The following SDK1 variants were observed in gnomAD, a reference collection of about 807,000 sequenced individuals.
SDK1 encodes the protein sidekick cell adhesion molecule 1.
SDK1 carries 157 observed loss-of-function variants against 245.5 expected under a neutral mutation model. The observed-to-expected ratio is 0.64, with a 90% CI of 0.56 to 0.73. SDK1 has a LOEUF of 0.73. SDK1 is among the 30% of genes least tolerant of loss of function. The pLI, the probability that SDK1 is intolerant of heterozygous loss-of-function variation, is 0.00. For synonymous variants in SDK1, 1,647 were observed against 1,278.5 expected (o/e 1.29, Z -6.15); for missense variants, 3,583 against 3,002.3 (o/e 1.19, Z -4.52).
rs1315030000 is a variant in SDK1, at chr7:3,301,874, G to C, written c.288G>C (p.Ala96=). ...CGCTGCAGCTGCACTTGCTCCGGGC[G>C]CTGGCGCAAGGTAGGTGCGCGCGGG... ...LLALQLHLLR[A]LAQDDVAPYF... is the part of the protein sequence containing the mutation. The change falls in exon 1 of 45, where the codon GCG becomes GCC. Residue 96 remains alanine, a synonymous_variant. Transcript: ENST00000404826. The C allele has an allele frequency of 1.8e-6, 2 of 1,136,248 alleles. No homozygotes were observed. Among genetic ancestry groups the C allele is most frequent in the East Asian group, 4.3e-5 (1 of 23,108 alleles). The allele number at this position is 1,136,248 out of a possible 1,614,324, so 70.4% of individuals were successfully genotyped here.
At chr7:3,361,611 CAGTA>C (rs906316419) in intron 1 of SDK1, among the ~76,000 whole-genome samples, 2 of 152,172 alleles carry the variant, frequency 1.3e-5, no homozygotes, top group Admixed American at 6.5e-5. Flanking sequence ...TTCTAAATCT[CAGTA>C]AGCAATTTGA....
chr7:3,560,868 G>A (rs1490233904), intron 1 of SDK1, among the ~76,000 whole-genome samples: 1 of 152,092 alleles, frequency 6.6e-6, no homozygotes, highest in East Asian at 1.9e-4. Flanking sequence ...TGCTCTTCCC[G>A]AAGGTGTCCA....
intron 25 of SDK1, among the ~76,000 whole-genome samples, chr7:4,124,943 G>GATGGATAGATGC (rs1784285215): frequency 1.3e-5 from 2 of 149,062 alleles, no homozygotes; most frequent in East Asian, 4.1e-4. Flanking sequence ...TGGATAGATG[G>GATGGATAGATGC]ATGGATGGAT....
At chr7:4,076,282 C>T (rs546767824) in intron 20 of SDK1, among the ~76,000 whole-genome samples, 59 of 152,120 alleles carry the variant, frequency 3.9e-4, no homozygotes, top group South Asian at 8.3e-4. Context: ...AATGATTGGC[C>T]GGGTACAGTG....
chr7:4,233,125 C>G (rs1306253088), intron 40 of SDK1, 130 bp from the exon 41 acceptor site: 3 of 783,622 alleles, frequency 3.8e-6, no homozygotes, highest in Non-Finnish European at 2.1e-6. Context: ...TCAGCACTCA[C>G]TCCGCATCCA....
At chr7:3,960,312 C>A (rs1368603219) in intron 8 of SDK1, among the ~76,000 whole-genome samples, 1 of 152,176 alleles carries the variant, frequency 6.6e-6, no homozygotes, top group East Asian at 1.9e-4. Flanking sequence ...TTACCTAGGT[C>A]CACATGGTAA....
At position 3,951,581 on chromosome 7, in the gene SDK1, C is replaced by G. The variant is rs539422897; in HGVS notation, c.960-149C>G. ...GTGCTGGGAGGGAGTAGAGTTACAT[C>G]TAGATTGAGTTTTCAGTGTCCGTTG... On this transcript the variant is annotated intron_variant, in intron 6 of 44. Coordinates refer to ENST00000404826, the MANE Select transcript of SDK1 (RefSeq NM_152744.4). 100 of 646,750 alleles carry G rather than the reference C, an allele frequency of 1.5e-4. No homozygotes were observed. The African/African-American group carries it at 1.7e-3, about 11-fold the overall frequency. 40.1% of individuals were successfully genotyped at this position (646,750 alleles called of 1,614,324 possible). A position where few individuals can be genotyped will look rare whatever the true frequency, so the allele number is the denominator to read the frequency against.
intron 1 of SDK1, among the ~76,000 whole-genome samples, chr7:3,491,725 A>T (rs1781868874): frequency 6.6e-6 from 1 of 152,216 alleles, no homozygotes; most frequent in Admixed American, 6.5e-5. Flanking sequence ...TACTGAAGGT[A>T]ACCCGAGTGT....
chr7:3,401,510 A>G (rs1778886379), intron 1 of SDK1, among the ~76,000 whole-genome samples: 4 of 152,132 alleles, frequency 2.6e-5, no homozygotes, highest in African/African-American at 9.7e-5. Flanking sequence ...GGACTTCATA[A>G]TTTTATGGTT....
chr7:4,098,748 C>A (rs1782331821), intron 22 of SDK1, among the ~76,000 whole-genome samples: 1 of 151,004 alleles, frequency 6.6e-6, no homozygotes. Flanking sequence ...ACTGCAGCCT[C>A]AACCTCCCAA....
chr7:3,854,977 G>C (rs2115108139), intron 5 of SDK1, among the ~76,000 whole-genome samples: 1 of 152,274 alleles, frequency 6.6e-6, no homozygotes, highest in African/African-American at 2.4e-5. Flanking sequence ...AACTCTAACT[G>C]CTTCATCTAC....
chr7:3,896,106 C>A (rs1005424404), intron 5 of SDK1, among the ~76,000 whole-genome samples: 4 of 152,046 alleles, frequency 2.6e-5, no homozygotes. Context: ...TTGATAGTCC[C>A]GTTCAAGTCT....
intron 5 of SDK1, among the ~76,000 whole-genome samples, chr7:3,904,486 G>T (rs1781896229): frequency 6.6e-6 from 1 of 152,052 alleles, no homozygotes; most frequent in South Asian, 2.1e-4. Flanking sequence ...TTGAGTCCAG[G>T]AGTTCAAGAG....
chr7:3,417,040 G>A (rs1352798401), intron 1 of SDK1, among the ~76,000 whole-genome samples: 1 of 152,124 alleles, frequency 6.6e-6, no homozygotes, highest in African/African-American at 2.4e-5. Context: ...TGGGCATGAT[G>A]GCATGCGACT....
At chr7:3,712,418 G>A (rs377435350) in intron 4 of SDK1, among the ~76,000 whole-genome samples, 121 of 152,260 alleles carry the variant, frequency 7.9e-4, no homozygotes, top group African/African-American at 1.7e-3. Context: ...CTGATTCTGC[G>A]TTATGGTGAG....
chr7:3,613,344 A>G (rs1781665255), intron 1 of SDK1, among the ~76,000 whole-genome samples: 1 of 152,216 alleles, frequency 6.6e-6, no homozygotes, highest in Non-Finnish European at 1.5e-5. Context: ...GAGAGGTAAC[A>G]TTAAATACAT....
At chr7:3,356,039 G>A (rs1470642757) in intron 1 of SDK1, among the ~76,000 whole-genome samples, 2 of 152,188 alleles carry the variant, frequency 1.3e-5, no homozygotes, top group African/African-American at 4.8e-5. Flanking sequence ...GGCCATAGTT[G>A]CTGACAGATA....
At chr7:3,992,209 G>A (rs971315959) in intron 14 of SDK1, among the ~76,000 whole-genome samples, 1 of 152,198 alleles carries the variant, frequency 6.6e-6, no homozygotes, top group African/African-American at 2.4e-5. Context: ...TCCTGCCACT[G>A]CAGAAGGGCC....
At chr7:3,449,585 C>T (rs1780449906) in intron 1 of SDK1, among the ~76,000 whole-genome samples, 1 of 152,122 alleles carries the variant, frequency 6.6e-6, no homozygotes, top group African/African-American at 2.4e-5. Context: ...CTTCTGTAAA[C>T]ACCTTGAATA....
Sources: gnomAD v4.1 joint callset for allele counts (sites outside exome capture counted in the v4.1 genomes callset) on GRCh38, gnomAD v4.1.1 for gene constraint, MANE v1.5 for transcripts, NCBI Gene and HGNC (gene_info 2026-07-23, HGNC 2026-07-21) for gene names.